Variants in CSMD1 observed in about 807,000 individuals in gnomAD.
The protein encoded by CSMD1 is CUB and sushi domain-containing protein 1.
CSMD1 carries 213 observed loss-of-function variants against 417.5 expected under a neutral mutation model. The observed-to-expected ratio is 0.51, with a 90% CI of 0.46 to 0.57. The LOEUF (loss-of-function observed/expected upper bound fraction) is 0.57. Ranked by LOEUF, CSMD1 falls within the 20% of genes least tolerant of loss-of-function variation. CSMD1 has a pLI of 0.00. For synonymous variants in CSMD1, 2,862 were observed against 1,736.8 expected, an observed-to-expected ratio of 1.65 and a Z score of -16.11; for missense variants, 6,923 against 4,529.7, an observed-to-expected ratio of 1.53 and a Z score of -15.17.
At chr8:4,182,685 G>A (rs556062678) in intron 3 of CSMD1, among the ~76,000 whole-genome samples, 16 of 152,090 alleles carry the variant, frequency 1.1e-4, no homozygotes, top group African/African-American at 2.9e-4. Context: ...GTGAATGCCC[G>A]ATTAATTTGA....
chr8:3,452,930 G>C (rs964314087), intron 12 of CSMD1, among the ~76,000 whole-genome samples: 3 of 152,158 alleles, frequency 2.0e-5, no homozygotes, highest in Non-Finnish European at 2.9e-5. Context: ...GAATTCGGCT[G>C]TGAATCCATC....
intron 3 of CSMD1, among the ~76,000 whole-genome samples, chr8:4,164,591 G>A (rs1212003904): frequency 1.3e-5 from 2 of 152,128 alleles, no homozygotes; most frequent in East Asian, 3.8e-4. Context: ...TGTTTTCATA[G>A]TAGTAATTTA....
chr8:3,308,170 G>A (rs1805034324), intron 24 of CSMD1, 142 bp downstream of exon 24: 2 of 672,324 alleles, frequency 3.0e-6, no homozygotes, highest in Non-Finnish European at 4.9e-6. Context: ...ACAGACACGT[G>A]CAAATCTCAG....
intron 1 of CSMD1, among the ~76,000 whole-genome samples, chr8:4,792,575 C>A (rs1220034035): frequency 1.3e-5 from 2 of 152,166 alleles, no homozygotes; most frequent in Non-Finnish European, 2.9e-5. Context: ...CAGTTGTCAG[C>A]ACGTCCATGC....
chr8:3,120,209 C>G (rs370276088), intron 41 of CSMD1, among the ~76,000 whole-genome samples: 1 of 152,012 alleles, frequency 6.6e-6, no homozygotes, highest in African/African-American at 2.4e-5. Flanking sequence ...GGCCAGCAGA[C>G]AGGGGATGGG....
chr8:3,238,016 C>A (rs1799264539), intron 26 of CSMD1, among the ~76,000 whole-genome samples: 1 of 151,174 alleles, frequency 6.6e-6, no homozygotes, highest in African/African-American at 2.4e-5. Context: ...GTGAAGAGAC[C>A]ACCAAACAGG....
intron 38 of CSMD1, 51 bp from the exon 39 acceptor site, chr8:3,158,017 T>A: frequency 7.2e-7 from 1 of 1,394,496 alleles, no homozygotes; most frequent in East Asian, 2.5e-5. Context: ...ACAGAGTATT[T>A]AAGGATTAAA....
intron 6 of CSMD1, among the ~76,000 whole-genome samples, chr8:3,739,810 T>C (rs1038618840): frequency 2.0e-5 from 3 of 152,156 alleles, no homozygotes; most frequent in Non-Finnish European, 2.9e-5. Context: ...AATTCAATTT[T>C]GTTAGTAACA....
intron 1 of CSMD1, among the ~76,000 whole-genome samples, chr8:4,901,356 A>G (rs1289672966): frequency 6.6e-6 from 1 of 152,224 alleles, no homozygotes; most frequent in East Asian, 1.9e-4. Context: ...TTAGAAGTGT[A>G]GTTATCTATA....
chr8:3,129,794 G>A (rs11136581), intron 41 of CSMD1, among the ~76,000 whole-genome samples: 2 of 152,020 alleles, frequency 1.3e-5, no homozygotes, highest in Non-Finnish European at 2.9e-5. Flanking sequence ...TTCAAGACCA[G>A]CCTGCCCAAG....
chr8:3,181,169 T>A lies in CSMD1; in HGVS notation c.5666A>T (p.Tyr1889Phe). ...ALLNSTSNQL[Y>F]LHFQSDISVA... is the part of the protein sequence containing the mutation. ...ACTAATGTCAGACTGGAAATGCAGG[T>A]AGAGTTGGTTGGAAGTACTGTTCAG... The change falls in exon 37 of 70, where the codon TAC becomes TTC. Residue 1889 changes from tyrosine (Y) to phenylalanine (F), a missense_variant. Tyr to Phe is a conservative substitution (Grantham distance 22). Transcript: ENST00000635120. The A allele has an allele frequency of 6.2e-7, 1 of 1,613,798 alleles. No homozygotes were observed. Among genetic ancestry groups the A allele is most frequent in the South Asian group, 1.1e-5 (1 of 91,032 alleles).
At chr8:4,255,508 G>A (rs752619089) in intron 3 of CSMD1, among the ~76,000 whole-genome samples, 6 of 152,168 alleles carry the variant, frequency 3.9e-5, no homozygotes, top group Non-Finnish European at 8.8e-5. Flanking sequence ...ATGTGCAATA[G>A]CAGTGGATTA....
intron 1 of CSMD1, among the ~76,000 whole-genome samples, chr8:4,647,192 A>G (rs1173180053): frequency 1.3e-5 from 2 of 152,026 alleles, no homozygotes; most frequent in Non-Finnish European, 2.9e-5. Context: ...CCACTGGGCC[A>G]TACGTAACTT....
intron 3 of CSMD1, among the ~76,000 whole-genome samples, chr8:4,349,966 G>C (rs763793678): frequency 2.0e-5 from 3 of 151,998 alleles, no homozygotes; most frequent in African/African-American, 4.8e-5. Context: ...GTATGCTGTA[G>C]ACTTAAGGGA....
At chr8:3,457,892 G>A (rs181261388) in intron 12 of CSMD1, among the ~76,000 whole-genome samples, 2 of 152,326 alleles carry the variant, frequency 1.3e-5, no homozygotes, top group Admixed American at 1.3e-4. Context: ...TGGAACACAT[G>A]AGAAATGAGG....
In CSMD1 at chr8:4,390,886, T is replaced by C. The variant is rs576420300; in HGVS notation, c.415+29067A>G. 1.1e-4 allele frequency among the ~76,000 whole-genome samples: 16 copies of C among 152,254 alleles called. No individual in the cohort carries two copies. The South Asian group carries it at 2.9e-3, about 28-fold the overall frequency. On this transcript the variant is annotated intron_variant, in intron 3 of 69. Transcript: ENST00000635120. Reference sequence around the variant, plus strand: ...TGTACCTCACATGTTTCATATGTTGTCCTTAGTCCCCCAAAATGTAGAAAG... The same window carrying C: ...TGTACCTCACATGTTTCATATGTTGCCCTTAGTCCCCCAAAATGTAGAAAG...
intron 25 of CSMD1, among the ~76,000 whole-genome samples, chr8:3,287,593 G>C (rs1161702582): frequency 6.6e-6 from 1 of 152,022 alleles, no homozygotes; most frequent in East Asian, 1.9e-4. Context: ...TCATGATTTG[G>C]CTCTCTGTTT....
intron 5 of CSMD1, among the ~76,000 whole-genome samples, chr8:3,932,881 G>A (rs1157128381): frequency 6.7e-6 from 1 of 149,644 alleles, no homozygotes; most frequent in African/African-American, 2.5e-5. Flanking sequence ...AAATGTTTTT[G>A]AATTTTCTAT....
intron 23 of CSMD1, among the ~76,000 whole-genome samples, chr8:3,339,405 T>C (rs1807495936): frequency 6.6e-6 from 1 of 152,102 alleles, no homozygotes; most frequent in Admixed American, 6.5e-5. Flanking sequence ...GGGGTTGCCT[T>C]AGGAAAGCTA....
Sources: allele counts gnomAD v4.1 joint callset (sites outside exome capture counted in the v4.1 genomes callset), GRCh38; gene constraint gnomAD v4.1.1; transcripts MANE v1.5; gene names NCBI Gene and HGNC (gene_info 2026-07-23, HGNC 2026-07-21).